Variants in FRAS1 observed in about 807,000 individuals in gnomAD.
FRAS1 encodes Fraser extracellular matrix complex subunit 1.
A neutral mutation model predicts 435.2 loss-of-function variants in FRAS1; 290 were observed. The ratio of observed to expected loss-of-function variants is 0.67; its 90% CI spans 0.61 to 0.73. FRAS1 has a LOEUF of 0.73. Among genes scored for constraint, FRAS1 ranks in the 30% least tolerant of loss-of-function variants. The pLI is 0.00. For missense variants in FRAS1, 4,860 were observed against 5,001.5 expected (o/e 0.97, Z 0.85); for synonymous variants, 1,800 against 1,851.0 (o/e 0.97, Z 0.71).
At chr4:78,393,839 A>G (rs1461098873) in intron 29 of FRAS1, among the ~76,000 whole-genome samples, 1 of 152,114 alleles carries the variant, frequency 6.6e-6, no homozygotes, top group Non-Finnish European at 1.5e-5. Flanking sequence ...CCTTCATAGT[A>G]GCTGTAACAA....
intron 54 of FRAS1, among the ~76,000 whole-genome samples, chr4:78,476,457 T>C (rs774623943): frequency 2.6e-5 from 4 of 152,198 alleles, no homozygotes; most frequent in Non-Finnish European, 4.4e-5. Flanking sequence ...GAGGGCACAA[T>C]GTCTGACACT....
At chr4:78,329,417 C>T (rs988884377) in intron 18 of FRAS1, among the ~76,000 whole-genome samples, 2 of 152,182 alleles carry the variant, frequency 1.3e-5, no homozygotes, top group Non-Finnish European at 2.9e-5. Flanking sequence ...TCACTTTAAT[C>T]GCTGTTATCA....
chr4:78,181,626 G>A (rs1186105834), intron 2 of FRAS1: 4 of 1,609,974 alleles, frequency 2.5e-6, no homozygotes, highest in Non-Finnish European at 2.5e-6. Context: ...TCTTCAAGTG[G>A]CTTTTCGAAT....
intron 38 of FRAS1, 146 bp from the exon 39 acceptor site, chr4:78,438,424 A>T: frequency 1.3e-6 from 1 of 765,172 alleles, no homozygotes; most frequent in Non-Finnish European, 2.1e-6. Context: ...TTGTAGTTTG[A>T]AATACAAAGA....
chr4:78,440,136 T>C (rs1015535856), intron 40 of FRAS1, among the ~76,000 whole-genome samples: 2 of 149,052 alleles, frequency 1.3e-5, no homozygotes, highest in Non-Finnish European at 3.0e-5. Context: ...GTTCACGCCA[T>C]TCTCCTGCCT....
chr4:78,260,914 G>A (rs1726064876), intron 6 of FRAS1, among the ~76,000 whole-genome samples: 1 of 152,012 alleles, frequency 6.6e-6, no homozygotes, highest in South Asian at 2.1e-4. Context: ...ATTTTTGTCT[G>A]GAATATTATG....
chr4:78,344,504 G>C (rs1730525108), intron 20 of FRAS1, among the ~76,000 whole-genome samples: 1 of 94,572 alleles, frequency 1.1e-5, no homozygotes, highest in Non-Finnish European at 2.1e-5. Context: ...CCAGAGTCTG[G>C]AATGTGATTC....
Position 78,450,044 on chromosome 4 carries a change from ATCCAATGAATATGTGATAATTTAGC to A in FRAS1, c.6275-106_6275-82del. The A allele has an allele frequency of 2.2e-5, 17 of 756,468 alleles. 1 individual carries two copies. The African/African-American group carries it at 2.5e-4, about 11-fold the overall frequency. The allele number at this position is 756,468 out of a possible 1,614,324, so 46.9% of individuals were successfully genotyped here. On this transcript the variant is annotated intron_variant, in intron 44 of 73. Coordinates refer to ENST00000512123, the MANE Select transcript of FRAS1 (RefSeq NM_025074.7). ...AGAAGGGCAAGTGCCTGGTACCTAG[ATCCAATGAATATGTGATAATTTAGC>A]CTCCAGTCTCCTAAAATCATTTGAC...
intron 20 of FRAS1, 36 bp downstream of exon 20, chr4:78,337,853 T>C (rs1230926534): frequency 6.2e-7 from 1 of 1,612,780 alleles, no homozygotes; most frequent in South Asian, 1.1e-5. Flanking sequence ...CGGAAATCAC[T>C]GGGCAGCTGC....
At chr4:78,150,980 T>A (rs1720633781) in intron 2 of FRAS1, among the ~76,000 whole-genome samples, 1 of 152,212 alleles carries the variant, frequency 6.6e-6, no homozygotes. Context: ...AACCTTATAA[T>A]ATTTATTAAG....
chr4:78,475,631 G>A (rs878959961), intron 54 of FRAS1, 25 bp downstream of exon 54: 1 of 1,514,172 alleles, frequency 6.6e-7, no homozygotes, highest in African/African-American at 1.4e-5. Flanking sequence ...GGGGTTGGGG[G>A]AGGCTCCAGC....
At chr4:78,483,333 G>A (rs541938976) in intron 58 of FRAS1, among the ~76,000 whole-genome samples, 1 of 152,266 alleles carries the variant, frequency 6.6e-6, no homozygotes, top group East Asian at 1.9e-4. Context: ...AACCTAAGTA[G>A]CATGAGGAAA....
chr4:78,269,430 C>T (rs929453988), intron 9 of FRAS1, among the ~76,000 whole-genome samples: 3 of 152,184 alleles, frequency 2.0e-5, no homozygotes, highest in African/African-American at 7.2e-5. Context: ...ATATCAAGGT[C>T]ATTTTGATTT....
chr4:78,377,191 G>A lies in FRAS1; in HGVS notation c.3292+1312G>A, dbSNP rs939294174. 7.2e-5 allele frequency among the ~76,000 whole-genome samples: 11 copies of A among 152,204 alleles called. No homozygotes were observed. In the Middle Eastern group the frequency reaches 0.01, roughly 141 times the overall value. On this transcript the variant is annotated intron_variant, in intron 26 of 73. Transcript: ENST00000512123. ...GTTTGTTGGCTTTTGAGAGTCGTTC[G>A]TCAAAAACATGAGGCATTTTTTAAC...
chr4:78,083,394 C>T (rs1740986845), intron 2 of FRAS1, among the ~76,000 whole-genome samples: 1 of 152,036 alleles, frequency 6.6e-6, no homozygotes, highest in South Asian at 2.1e-4. Context: ...GTAGTTTTAT[C>T]TGGTGTTGTG....
rs1332936013 is a variant in FRAS1 at position 78,161,768 on chromosome 4, A to AAAAAG, written c.109-75723_109-75719dup. ...AAAAAAAAAAAAAAAAAAAAAAAAA[A>AAAAAG]AAAAGAAAAGAAAAGAAAAGAAAGT... On this transcript the variant is annotated intron_variant, in intron 2 of 73. Coordinates refer to ENST00000512123, the MANE Select transcript of FRAS1 (RefSeq NM_025074.7). Among the ~76,000 whole-genome samples the AAAAAG allele has an allele frequency of 2.6e-3, 363 of 140,528 alleles. 3 individuals carry two copies. Among genetic ancestry groups the AAAAAG allele is most frequent in the African/African-American group, 1.0e-2 (352 of 35,258 alleles). 92.2% of individuals were successfully genotyped at this position (140,528 alleles called of 152,430 possible).
intron 2 of FRAS1, among the ~76,000 whole-genome samples, chr4:78,095,173 CTT>C (rs1228800097): frequency 1.3e-5 from 2 of 152,158 alleles, no homozygotes; most frequent in Non-Finnish European, 1.5e-5. Context: ...AATGTTGAAA[CTT>C]TTCCAAGGGA....
chr4:78,388,660 T>C (rs1732323737), intron 29 of FRAS1, among the ~76,000 whole-genome samples: 1 of 150,020 alleles, frequency 6.7e-6, no homozygotes, highest in South Asian at 2.1e-4. Flanking sequence ...TTTTTTAAAT[T>C]AGCTGGGTGC....
At chr4:78,503,096 G>A (rs145074936) in intron 61 of FRAS1, among the ~76,000 whole-genome samples, 19 of 152,268 alleles carry the variant, frequency 1.2e-4, no homozygotes, top group African/African-American at 4.1e-4. Context: ...GCTTTTTGAT[G>A]TGCTGCTGGA....
Sources: allele counts gnomAD v4.1 joint callset (sites outside exome capture counted in the v4.1 genomes callset), GRCh38; gene constraint gnomAD v4.1.1; transcripts MANE v1.5; gene names NCBI Gene and HGNC (gene_info 2026-07-23, HGNC 2026-07-21).